Variants in CDC42BPA observed in about 807,000 individuals in gnomAD.
CDC42BPA encodes the protein CDC42 binding protein kinase alpha, also known as serine/threonine-protein kinase MRCK alpha.
CDC42BPA carries 80 observed loss-of-function variants against 223.5 expected under a neutral mutation model. The ratio of observed to expected loss-of-function variants is 0.36; its 90% CI spans 0.30 to 0.43. The LOEUF (loss-of-function observed/expected upper bound fraction) is 0.43. CDC42BPA is among the 20% of genes least tolerant of loss of function. The pLI is 1.00. For synonymous variants in CDC42BPA, 694 were observed against 718.6 expected, an observed-to-expected ratio of 0.97 and a Z score of 0.55; for missense variants, 1,743 against 2,099.9, an observed-to-expected ratio of 0.83 and a Z score of 3.32.
chr1:227,021,116 C>A (rs1334736419), intron 32 of CDC42BPA, among the ~76,000 whole-genome samples: 2 of 152,126 alleles, frequency 1.3e-5, no homozygotes, highest in East Asian at 3.9e-4. Context: ...ATTTGGATCA[C>A]TGATCACAGA....
At chr1:227,081,131 AT>A in intron 16 of CDC42BPA, 114 bp from the exon 17 acceptor site, 1 of 973,802 alleles carries the variant, frequency 1.0e-6, no homozygotes, top group Non-Finnish European at 1.6e-6. Flanking sequence ...TGCCTGTCTT[AT>A]TATAATAATC....
chr1:227,042,436 C>T (rs1051491750), intron 23 of CDC42BPA, among the ~76,000 whole-genome samples: 18 of 151,950 alleles, frequency 1.2e-4, no homozygotes, highest in Admixed American at 8.5e-4. Flanking sequence ...ATAAATCATC[C>T]AACTGGTAGG....
intron 34 of CDC42BPA, among the ~76,000 whole-genome samples, chr1:227,014,223 T>C (rs1171356992): frequency 6.6e-6 from 1 of 152,100 alleles, no homozygotes; most frequent in Non-Finnish European, 1.5e-5. Flanking sequence ...AAAAGTATAA[T>C]AGTTTTAATA....
At chr1:227,051,465 G>C (rs969741482) in intron 22 of CDC42BPA, among the ~76,000 whole-genome samples, 2 of 152,192 alleles carry the variant, frequency 1.3e-5, no homozygotes, top group South Asian at 4.1e-4. Context: ...TCAGTTGCCA[G>C]AAGTGGCTAT....
rs3754419 is a variant in CDC42BPA, at chr1:227,160,648, A to C, written c.600-12T>G. ...CAGGTTTAATGTCTCTGAAAAAATA[A>C]ATAAATTCAATTTTTAGTGGAAAAA... On this transcript the variant is annotated splice_polypyrimidine_tract_variant and intron_variant, in intron 5 of 36. Coordinates refer to ENST00000366766, the MANE Select transcript of CDC42BPA (RefSeq NM_001394014.1). 123,539 of 1,375,272 alleles carry C rather than the reference A, an allele frequency of 0.09. 5,596 individuals are homozygous for C. Among genetic ancestry groups the C allele is most frequent in the Admixed American group, 0.11 (5,957 of 52,316 alleles). The allele number at this position is 1,375,272 out of a possible 1,614,324, so 85.2% of individuals were successfully genotyped here.
At chr1:227,105,864 T>C (rs1304811830) in intron 14 of CDC42BPA, among the ~76,000 whole-genome samples, 4 of 152,206 alleles carry the variant, frequency 2.6e-5, no homozygotes, top group African/African-American at 4.8e-5. Context: ...CTTGGATTGT[T>C]TCCACCTTTT....
At chr1:227,122,450 G>A (rs1288555777) in intron 11 of CDC42BPA, among the ~76,000 whole-genome samples, 1 of 152,148 alleles carries the variant, frequency 6.6e-6, no homozygotes, top group East Asian at 1.9e-4. Context: ...ACAGGGGATA[G>A]CTTCTAAAAG....
intron 16 of CDC42BPA, among the ~76,000 whole-genome samples, chr1:227,084,244 AAG>A (rs1308877102): frequency 2.0e-5 from 3 of 152,092 alleles, no homozygotes; most frequent in African/African-American, 7.2e-5. Flanking sequence ...ATTCATGAAA[AAG>A]GCTGGGTGTG....
chr1:227,094,566 G>A (rs1372517804), intron 15 of CDC42BPA, among the ~76,000 whole-genome samples: 1 of 152,222 alleles, frequency 6.6e-6, no homozygotes, highest in Non-Finnish European at 1.5e-5. Context: ...CCTGGCAGCT[G>A]TCCTCACTTT....
At chr1:227,145,795 G>A (rs1157272182) in intron 7 of CDC42BPA, 58 bp from the exon 8 acceptor site, 4 of 1,353,886 alleles carry the variant, frequency 3.0e-6, no homozygotes, top group East Asian at 2.5e-5. Context: ...CTAAGTAGTT[G>A]GTTGACTTAT....
At chr1:227,289,767 C>T (rs573135584) in intron 1 of CDC42BPA, among the ~76,000 whole-genome samples, 1 of 151,836 alleles carries the variant, frequency 6.6e-6, no homozygotes, top group South Asian at 2.1e-4. Context: ...TATGTTTCGG[C>T]GGAAAATAAT....
intron 34 of CDC42BPA, among the ~76,000 whole-genome samples, chr1:227,014,569 CGT>C (rs1665846590): frequency 8.3e-6 from 1 of 120,730 alleles, no homozygotes; most frequent in Non-Finnish European, 1.9e-5. Context: ...CTTTAAAAGG[CGT>C]TTTTTTTAAT....
chr1:227,251,295 CAT>C (rs1681963494), intron 2 of CDC42BPA, among the ~76,000 whole-genome samples: 2 of 150,374 alleles, frequency 1.3e-5, no homozygotes, highest in Non-Finnish European at 3.0e-5. Context: ...ACCAAGGATA[CAT>C]GTGGTAATTG....
chr1:227,151,485 G>C (rs911419682), intron 6 of CDC42BPA, among the ~76,000 whole-genome samples: 2 of 151,958 alleles, frequency 1.3e-5, no homozygotes, highest in African/African-American at 2.4e-5. Flanking sequence ...ACTTCTTTTG[G>C]GTATATACCC....
rs766980109 is a variant in CDC42BPA, at chr1:227,139,709, C to T, written c.1257G>A (p.Thr419=). ...CAAGATCCAGTGAGGTGGGACCAGC[C>T]GTAACTCTTAAACAGCTCCGATCAG... ...VLSDRSCLRV[T]AGPTSLDLDV... is the part of the protein sequence containing the mutation. Residue 419 remains threonine (T), a synonymous_variant, in exon 10 of 37, where the codon ACG becomes ACA. Coordinates refer to ENST00000366766, the MANE Select transcript of CDC42BPA (RefSeq NM_001394014.1). The T allele has an allele frequency of 9.4e-6, 15 of 1,595,672 alleles. No individual in the cohort carries two copies. Among genetic ancestry groups the T allele is most frequent in the East Asian group, 2.3e-5 (1 of 44,360 alleles).
chr1:227,185,937 G>A (rs1668705837), intron 5 of CDC42BPA, among the ~76,000 whole-genome samples: 1 of 152,148 alleles, frequency 6.6e-6, no homozygotes, highest in South Asian at 2.1e-4. Flanking sequence ...GTAAAAACCT[G>A]AACAAACTGA....
At chr1:227,196,733 C>T (rs1386060214) in intron 4 of CDC42BPA, among the ~76,000 whole-genome samples, 2 of 152,286 alleles carry the variant, frequency 1.3e-5, no homozygotes, top group South Asian at 4.2e-4. Context: ...ATATGAGTTA[C>T]TACAATTAAT....
At chr1:227,097,803 C>T (rs1684286970) in intron 15 of CDC42BPA, among the ~76,000 whole-genome samples, 1 of 152,160 alleles carries the variant, frequency 6.6e-6, no homozygotes, top group South Asian at 2.1e-4. Flanking sequence ...GCATGCAGCC[C>T]CTCCCAAGTG....
At chr1:227,311,049 G>A (rs2148819475) in intron 1 of CDC42BPA, among the ~76,000 whole-genome samples, 1 of 152,164 alleles carries the variant, frequency 6.6e-6, no homozygotes, top group South Asian at 2.1e-4. Flanking sequence ...CTTACAGTGT[G>A]GGTAATTCAA....
Sources: allele counts gnomAD v4.1 joint callset (sites outside exome capture counted in the v4.1 genomes callset), GRCh38; gene constraint gnomAD v4.1.1; transcripts MANE v1.5; gene names NCBI Gene and HGNC (gene_info 2026-07-23, HGNC 2026-07-21).